The following KIAA1549 variants were observed in gnomAD, a reference collection of about 807,000 sequenced individuals.
KIAA1549 encodes the protein KIAA1549.
A neutral mutation model predicts 156.4 loss-of-function variants in KIAA1549; 70 were observed. The observed-to-expected ratio is 0.45, with a 90% confidence interval of 0.37 to 0.55. KIAA1549 has a LOEUF of 0.55. Ranked by LOEUF, KIAA1549 falls within the 20% of genes least tolerant of loss-of-function variation. KIAA1549 has a pLI of 0.00. For synonymous variants in KIAA1549, 1,103 were observed against 1,066.4 expected (o/e 1.03, Z -0.67); for missense variants, 2,428 against 2,540.9 (o/e 0.96, Z 0.96).
chr7:138,856,992 G>C (rs1322828927), intron 16 of KIAA1549, among the ~76,000 whole-genome samples: 1 of 152,182 alleles, frequency 6.6e-6, no homozygotes, highest in Admixed American at 6.5e-5. Flanking sequence ...CTGACTGACT[G>C]CATGAGCTGG....
chr7:138,840,394 G>C, intron 18 of KIAA1549, 116 bp from the exon 19 acceptor site: 1 of 874,776 alleles, frequency 1.1e-6, no homozygotes, highest in African/African-American at 1.7e-5. Context: ...TAATGACAAG[G>C]GATCAGGACT....
chr7:138,893,470 C>T (rs532136785), intron 10 of KIAA1549, among the ~76,000 whole-genome samples: 274 of 152,290 alleles, frequency 1.8e-3, no homozygotes, highest in Admixed American at 4.6e-3. Flanking sequence ...GAAACTGACA[C>T]GTCATGGGTG....
intron 1 of KIAA1549, among the ~76,000 whole-genome samples, chr7:138,949,407 T>A (rs1267101318): frequency 6.6e-6 from 1 of 152,186 alleles, no homozygotes; most frequent in African/African-American, 2.4e-5. Context: ...ACCCGCATAT[T>A]AGGTATCAGT....
At chr7:138,867,204 C>A (rs1810771318) in intron 15 of KIAA1549, among the ~76,000 whole-genome samples, 1 of 152,132 alleles carries the variant, frequency 6.6e-6, no homozygotes. Flanking sequence ...AAATAAAACC[C>A]TAAATATCCC....
At chr7:138,943,709 T>C (rs1460641570) in intron 1 of KIAA1549, among the ~76,000 whole-genome samples, 1 of 151,790 alleles carries the variant, frequency 6.6e-6, no homozygotes, top group East Asian at 1.9e-4. Context: ...TTTAGCCGGG[T>C]GTAGTGGCGG....
rs1489864772 is a variant in KIAA1549 at position 138,918,646 on chromosome 7, G to C, written c.980C>G (p.Thr327Ser). The change falls in exon 2 of 20, where the codon ACT becomes AGT. Residue 327 changes from threonine (T) to serine (S), a missense_variant. By Grantham distance (58) the Thr-to-Ser change is moderately conservative. Coordinates refer to ENST00000422774, the MANE Select transcript of KIAA1549 (RefSeq NM_001164665.2). This position sits in a 1 kb window ranked among gnomAD's most constrained non-coding sequence, Gnocchi z 4.2. Reference sequence around the variant, plus strand: ...TTCTTCTAGGCTTTGACTCAACACAGTGGTCACATCAGTGTATCTGTCTGC... The same window carrying C: ...TTCTTCTAGGCTTTGACTCAACACACTGGTCACATCAGTGTATCTGTCTGC... ...TSADRYTDVTTVLSQSLEETI... is the reference protein window; with the variant it reads ...TSADRYTDVTSVLSQSLEETI... 6.2e-7 allele frequency: 1 copy of C among 1,613,812 alleles called. No homozygotes were observed. The highest frequency in any genetic ancestry group is 8.5e-7 in the Non-Finnish European group (1 of 1,179,888).
In KIAA1549 at chr7:138,874,824, C is replaced by T. The variant is rs149180419; in HGVS notation, c.4346-3462G>A. On this transcript the variant is annotated intron_variant, in intron 12 of 19. Coordinates refer to ENST00000422774, the MANE Select transcript of KIAA1549 (RefSeq NM_001164665.2). ...TTCTAGACCAGCCTAGGCAACATGG[C>T]GTAACCCCATCTCTACAAAAAATAA... Among the ~76,000 whole-genome samples, 879 of 152,038 alleles carry T rather than the reference C, an allele frequency of 5.8e-3. 12 individuals carry two copies. The highest frequency in any genetic ancestry group is 0.02 in the African/African-American group (838 of 41,448).
At position 138,832,411 on chromosome 7, in the gene KIAA1549, G is replaced by T. The variant is rs901054955; in HGVS notation, c.*5495C>A. ...ACGGGGTCTCGTTATGTTGCCCAAG[G>T]TGGTCTCAAACTCCTGGCCTCAAGC... On this transcript the variant is annotated 3_prime_UTR_variant, in exon 20 of 20. Coordinates refer to ENST00000422774, the MANE Select transcript of KIAA1549 (RefSeq NM_001164665.2). 5.3e-6 allele frequency: 1 copy of T among 190,390 alleles called. No homozygotes were observed. Among genetic ancestry groups the T allele is most frequent in the Admixed American group, 6.2e-5 (1 of 16,192 alleles). 11.8% of individuals were successfully genotyped at this position (190,390 alleles called of 1,614,324 possible). A position where few individuals can be genotyped will look rare whatever the true frequency, so the allele number is the denominator to read the frequency against.
Position 138,916,892 on chromosome 7 carries a change from T to A in KIAA1549, c.2734A>T (p.Ser912Cys), listed in dbSNP as rs779033859. The A allele has an allele frequency of 6.2e-7, 1 of 1,613,730 alleles. No homozygotes were observed. Among genetic ancestry groups the A allele is most frequent in the Non-Finnish European group, 8.5e-7 (1 of 1,179,800 alleles). The change falls in exon 2 of 20, where the codon AGT becomes TGT. Residue 912 changes from serine to cysteine, a missense_variant. Physicochemically the swap from Ser to Cys is moderately radical, Grantham distance 112 (BLOSUM62 -1). This residue lies in a region of KIAA1549 where 762 missense variants were observed against 901.6 expected (regional missense o/e 0.85). Transcript: ENST00000422774. Reference sequence around the variant, plus strand: ...GATGGCAGGGGAGGAGCAGCACTACTCTCTGGGGGGCTCTGACTTGCGGCG... The same window carrying A: ...GATGGCAGGGGAGGAGCAGCACTACACTCTGGGGGGCTCTGACTTGCGGCG... ...GDAASQSPPESSAAPPLPSLR... is the reference protein window; with the variant it reads ...GDAASQSPPECSAAPPLPSLR...
intron 12 of KIAA1549, among the ~76,000 whole-genome samples, chr7:138,878,878 T>G (rs1391799679): frequency 2.0e-5 from 3 of 152,142 alleles, no homozygotes; most frequent in Non-Finnish European, 2.9e-5. Flanking sequence ...GTAGCACATC[T>G]ATTTAATACA....
rs945811968 is a variant in KIAA1549 at position 138,921,217 on chromosome 7, A to G, written c.188-1779T>C. Among the ~76,000 whole-genome samples the G allele has an allele frequency of 4.6e-5, 7 of 152,082 alleles. No individual in the cohort carries two copies. In the East Asian group the frequency reaches 1.2e-3, roughly 25 times the overall value. Reference sequence around the variant, plus strand: ...GAAAAATATCCACTTTTCAGAAGACAGCAAAAACAGGCATCGGTTTCTAAT... The same window carrying G: ...GAAAAATATCCACTTTTCAGAAGACGGCAAAAACAGGCATCGGTTTCTAAT... On this transcript the variant is annotated intron_variant, in intron 1 of 19. Coordinates refer to ENST00000422774, the MANE Select transcript of KIAA1549 (RefSeq NM_001164665.2).
intron 1 of KIAA1549, among the ~76,000 whole-genome samples, chr7:138,939,494 T>C (rs1813111598): frequency 6.6e-6 from 1 of 152,196 alleles, no homozygotes; most frequent in Non-Finnish European, 1.5e-5. Flanking sequence ...CAGTCCACAT[T>C]CTATATTTGG....
intron 18 of KIAA1549, 39 bp from the exon 19 acceptor site, chr7:138,840,317 T>C (rs372004965): frequency 1.1e-5 from 18 of 1,578,846 alleles, no homozygotes; most frequent in Non-Finnish European, 1.6e-5. Flanking sequence ...TCAACATTTA[T>C]AGGAGAGTAT....
In KIAA1549 at chr7:138,883,636, T is replaced by C. The variant is rs757272847; in HGVS notation, c.4033-2052A>G. On this transcript the variant is annotated intron_variant, in intron 10 of 19. Transcript: ENST00000422774. Reference sequence around the variant, plus strand: ...CCTTGGAAAGACCCTCCAAGGTATGTAGAAATGTGGACAATAACAGTATTT... The same window carrying C: ...CCTTGGAAAGACCCTCCAAGGTATGCAGAAATGTGGACAATAACAGTATTT... 4.6e-5 allele frequency among the ~76,000 whole-genome samples: 7 copies of C among 152,164 alleles called. No homozygotes were observed. In the South Asian group the frequency reaches 8.3e-4, roughly 18 times the overall value.
chr7:138,958,691 C>T (rs761783710), intron 1 of KIAA1549, among the ~76,000 whole-genome samples: 2 of 152,000 alleles, frequency 1.3e-5, no homozygotes, highest in African/African-American at 2.4e-5. Context: ...ACTCTTCTTC[C>T]CTGGTATAGA....
At chr7:138,894,171 AG>A (rs1333089013) in intron 10 of KIAA1549, among the ~76,000 whole-genome samples, 170 bp downstream of exon 10, 1 of 152,228 alleles carries the variant, frequency 6.6e-6, no homozygotes, top group African/African-American at 2.4e-5. Context: ...CCACAGAAGG[AG>A]GGTTTCAGGA....
chr7:138,856,628 AC>A (rs1274958394), intron 16 of KIAA1549, among the ~76,000 whole-genome samples: 3 of 152,012 alleles, frequency 2.0e-5, no homozygotes, highest in African/African-American at 7.3e-5. Flanking sequence ...TGCAGCCATC[AC>A]CCTCAGGATG....
intron 16 of KIAA1549, among the ~76,000 whole-genome samples, chr7:138,858,555 T>C (rs976620032): frequency 3.3e-5 from 5 of 152,208 alleles, no homozygotes; most frequent in Admixed American, 2.6e-4. Context: ...TATGGTTTTG[T>C]GGTTTGTTAG....
chr7:138,915,432 T>C (rs1812289072), intron 2 of KIAA1549, among the ~76,000 whole-genome samples: 1 of 152,034 alleles, frequency 6.6e-6, no homozygotes, highest in Admixed American at 6.5e-5. Context: ...GAATAACGAA[T>C]GTTTCCCTTT....
Sources: allele counts gnomAD v4.1 joint callset (sites outside exome capture counted in the v4.1 genomes callset), GRCh38; gene constraint gnomAD v4.1.1; regional missense constraint gnomAD v4.1.1; non-coding constraint Gnocchi (gnomAD v3.1); transcripts MANE v1.5; gene names NCBI Gene and HGNC (gene_info 2026-07-23, HGNC 2026-07-21).